The following ANKS1B variants were observed in gnomAD, a reference collection of about 807,000 sequenced individuals.
ANKS1B encodes ankyrin repeat and sterile alpha motif domain-containing protein 1B.
Under a neutral mutation model 148.3 loss-of-function variants are expected in ANKS1B, and 36 were observed. The observed-to-expected ratio is 0.24, with a 90% CI of 0.19 to 0.32. ANKS1B has a LOEUF of 0.32. Among genes scored for constraint, ANKS1B ranks in the 10% least tolerant of loss-of-function variants. ANKS1B has a pLI of 1.00. For synonymous variants in ANKS1B, 542 were observed against 560.8 expected (o/e 0.97, Z 0.47); for missense variants, 1,157 against 1,542.6 (o/e 0.75, Z 4.19).
chr12:99,002,384 T>C (rs529254644), intron 17 of ANKS1B, among the ~76,000 whole-genome samples: 6 of 152,336 alleles, frequency 3.9e-5, no homozygotes, highest in Admixed American at 2.6e-4. Context: ...TTGACAAAGA[T>C]TGTATATATT....
chr12:99,365,093 A>AT (rs1281970377), intron 12 of ANKS1B, among the ~76,000 whole-genome samples: 1 of 152,176 alleles, frequency 6.6e-6, no homozygotes, highest in African/African-American at 2.4e-5. Context: ...ACTGCTTGAC[A>AT]TGTGGCATGG....
At chr12:99,783,847 T>C (rs1242750381) in intron 4 of ANKS1B, among the ~76,000 whole-genome samples, 1 of 152,116 alleles carries the variant, frequency 6.6e-6, no homozygotes, top group East Asian at 1.9e-4. Context: ...TAATTGATTA[T>C]ATATTTTCAA....
At chr12:99,481,027 T>C (rs2096401907) in intron 10 of ANKS1B, among the ~76,000 whole-genome samples, 1 of 151,782 alleles carries the variant, frequency 6.6e-6, no homozygotes, top group Admixed American at 6.6e-5. Flanking sequence ...GCAAATGTCT[T>C]TTTTTAAAAA....
At chr12:99,792,651 G>A (rs1447026283) in intron 4 of ANKS1B, among the ~76,000 whole-genome samples, 2 of 151,722 alleles carry the variant, frequency 1.3e-5, no homozygotes, top group Non-Finnish European at 3.0e-5. Flanking sequence ...ATTTGATGCA[G>A]TCCAACATCC....
intron 12 of ANKS1B, among the ~76,000 whole-genome samples, chr12:99,247,827 T>A (rs975340795): frequency 6.6e-6 from 1 of 152,184 alleles, no homozygotes; most frequent in Non-Finnish European, 1.5e-5. Context: ...TAGCTAAATA[T>A]TGCCAAGATG....
chr12:99,634,950 G>C (rs1788525529), intron 9 of ANKS1B, among the ~76,000 whole-genome samples: 1 of 152,082 alleles, frequency 6.6e-6, no homozygotes, highest in Admixed American at 6.6e-5. Context: ...ATAGAAAAAA[G>C]ACTTGAATAG....
intron 17 of ANKS1B, among the ~76,000 whole-genome samples, chr12:98,902,325 C>G (rs1246748722): frequency 6.6e-6 from 1 of 152,200 alleles, no homozygotes; most frequent in Non-Finnish European, 1.5e-5. Context: ...GTACCTCATC[C>G]TTCCCACACC....
intron 4 of ANKS1B, among the ~76,000 whole-genome samples, chr12:99,794,226 T>C (rs1359211676): frequency 6.6e-6 from 1 of 151,990 alleles, no homozygotes; most frequent in African/African-American, 2.4e-5. Context: ...TAGGTGGGAA[T>C]GTGAATTAGT....
At chr12:99,138,998 A>C (rs1600819802) in intron 15 of ANKS1B, among the ~76,000 whole-genome samples, 3 of 114,092 alleles carry the variant, frequency 2.6e-5, no homozygotes, top group Non-Finnish European at 3.7e-5. Flanking sequence ...CCCTCCCTCA[A>C]CCTCTCTCTC....
chr12:99,572,360 C>T (rs530527192), intron 9 of ANKS1B, among the ~76,000 whole-genome samples: 1 of 152,018 alleles, frequency 6.6e-6, no homozygotes, highest in African/African-American at 2.4e-5. Context: ...ATGTTTTTCT[C>T]CCATACTACA....
At chr12:99,435,897 A>G (rs1257631944) in intron 11 of ANKS1B, among the ~76,000 whole-genome samples, 1 of 152,054 alleles carries the variant, frequency 6.6e-6, no homozygotes, top group Non-Finnish European at 1.5e-5. Context: ...CAGGAAATTC[A>G]TATTTGTCCA....
At chr12:98,960,854 T>A (rs73382473) in intron 17 of ANKS1B, among the ~76,000 whole-genome samples, 13,780 of 152,038 alleles carry the variant, frequency 0.091, 1,678 homozygotes, top group African/African-American at 0.28. Flanking sequence ...AGTTGAAAAA[T>A]GCAATTAACA....
At chr12:99,664,910 C>T (rs1338437547) in intron 8 of ANKS1B, among the ~76,000 whole-genome samples, 3 of 152,162 alleles carry the variant, frequency 2.0e-5, no homozygotes, top group African/African-American at 7.2e-5. Flanking sequence ...TTCACTCAGC[C>T]TAATGTTTTT....
At chr12:99,803,284 C>CCCCA (rs57683762) in intron 4 of ANKS1B, among the ~76,000 whole-genome samples, 4 of 121,944 alleles carry the variant, frequency 3.3e-5, no homozygotes, top group Admixed American at 8.1e-5. Context: ...CACCCCCCCC[C>CCCCA]AAAAAAAAAG....
chr12:99,643,550 G>C (rs1371287280), intron 9 of ANKS1B, among the ~76,000 whole-genome samples: 3 of 152,148 alleles, frequency 2.0e-5, no homozygotes. Flanking sequence ...CCCATCCTCT[G>C]AGTCCTCCTT....
At chr12:99,460,800 T>G (rs564025046) in intron 10 of ANKS1B, among the ~76,000 whole-genome samples, 1 of 151,892 alleles carries the variant, frequency 6.6e-6, no homozygotes, top group African/African-American at 2.4e-5. Flanking sequence ...TTGATGGGAA[T>G]GTAAACTAAT....
At chr12:99,470,731 G>A (rs2096227963) in intron 10 of ANKS1B, among the ~76,000 whole-genome samples, 1 of 151,966 alleles carries the variant, frequency 6.6e-6, no homozygotes. Context: ...GTATTTCATG[G>A]AGCTAATACA....
chr12:99,912,315 C>T (rs2094029653), intron 1 of ANKS1B, among the ~76,000 whole-genome samples: 2 of 151,922 alleles, frequency 1.3e-5, no homozygotes, highest in East Asian at 3.9e-4. Flanking sequence ...AGTTTGCTTA[C>T]ATAGGAACCC....
At chr12:99,071,959 A>T (rs1231854683) in intron 16 of ANKS1B, among the ~76,000 whole-genome samples, 2 of 152,116 alleles carry the variant, frequency 1.3e-5, no homozygotes, top group Non-Finnish European at 2.9e-5. Context: ...TAATCTCTTA[A>T]ATAGGGAGGC....
Sources: gnomAD v4.1 joint callset for allele counts (sites outside exome capture counted in the v4.1 genomes callset) on GRCh38, gnomAD v4.1.1 for gene constraint, MANE v1.5 for transcripts, NCBI Gene and HGNC (gene_info 2026-07-23, HGNC 2026-07-21) for gene names.